Variants in HGF observed in about 807,000 individuals in gnomAD.
The protein encoded by HGF is hepatocyte growth factor.
HGF carries 39 observed loss-of-function variants against 111.6 expected under a neutral mutation model. That is an observed-to-expected ratio of 0.35 (90% CI 0.27 to 0.46). The LOEUF (loss-of-function observed/expected upper bound fraction) is 0.46, where lower values mean the gene tolerates loss of function less well. HGF is among the 20% of genes least tolerant of loss of function. The pLI is 1.00. For missense variants in HGF, 735 were observed against 910.5 expected (o/e 0.81, Z 2.48); for synonymous variants, 285 against 294.8 (o/e 0.97, Z 0.34).
Position 81,743,398 on chromosome 7 carries a change from G to A in HGF, c.820C>T (p.Leu274Phe), listed in dbSNP as rs2116022860. ...TACTCCCAGCGGGTGTGAGGGTCAA[G>A]AGTATAGCACCATGGCCTCGGCTGG... ...DGQPRPWCYT[L>F]DPHTRWEYCA... is the part of the protein sequence containing the mutation. The change falls in exon 7 of 18, where the codon CTT becomes TTT. Residue 274 changes from leucine to phenylalanine, a missense_variant. By Grantham distance (22) the Leu-to-Phe change is conservative. Around this residue, in one of 3 missense-constraint regions of HGF, gnomAD observed 553 missense variants for 685.6 expected, o/e 0.81. Transcript: ENST00000222390. 4 of 1,613,576 alleles carry A rather than the reference G, an allele frequency of 2.5e-6. No homozygotes were observed. Among genetic ancestry groups the A allele is most frequent in the Non-Finnish European group, 3.4e-6 (4 of 1,179,494 alleles).
chr7:81,729,822 C>T, intron 7 of HGF, 43 bp from the exon 8 acceptor site: 1 of 1,588,714 alleles, frequency 6.3e-7, no homozygotes, highest in Non-Finnish European at 8.6e-7. Flanking sequence ...TATATAAAAT[C>T]TTTGAAGATG....
At chr7:81,739,693 G>A (rs1412248829) in intron 7 of HGF, among the ~76,000 whole-genome samples, 1 of 152,032 alleles carries the variant, frequency 6.6e-6, no homozygotes, top group Non-Finnish European at 1.5e-5. Context: ...GGACCTTTGG[G>A]AAAGAATTCA....
At position 81,758,838 on chromosome 7, in the gene HGF, C is replaced by T. The variant is rs1584005918; in HGVS notation, c.255-34G>A. The T allele has an allele frequency of 1.3e-5, 17 of 1,341,734 alleles. No individual in the cohort carries two copies. In the East Asian group the frequency reaches 3.7e-4, roughly 29 times the overall value. 83.1% of individuals were successfully genotyped at this position (1,341,734 alleles called of 1,614,324 possible). On this transcript the variant is annotated intron_variant, in intron 2 of 17. Coordinates refer to ENST00000222390, the MANE Select transcript of HGF (RefSeq NM_000601.6). ...AATATCAGAATGAAAAGAAGAAATA[C>T]TACTATTTATACAGTATTTAAAGAA...
intron 5 of HGF, among the ~76,000 whole-genome samples, chr7:81,747,829 A>G (rs1175107611): frequency 6.6e-6 from 1 of 152,118 alleles, no homozygotes; most frequent in African/African-American, 2.4e-5. Context: ...GCTACTTGGA[A>G]GGCTGAGGCA....
chr7:81,727,037 G>A (rs1411933574), intron 8 of HGF, among the ~76,000 whole-genome samples: 1 of 100,216 alleles, frequency 1.0e-5, no homozygotes, highest in Non-Finnish European at 2.0e-5. Context: ...TCGAAACTGA[G>A]GTTTTTTTTT....
chr7:81,718,699 T>A (rs1231462040), intron 10 of HGF, among the ~76,000 whole-genome samples: 1 of 152,220 alleles, frequency 6.6e-6, no homozygotes, highest in Admixed American at 6.5e-5. Context: ...CTTTGAGGTA[T>A]GTGTACGGTG....
At chr7:81,763,529 G>T (rs954190440) in intron 1 of HGF, among the ~76,000 whole-genome samples, 6 of 152,104 alleles carry the variant, frequency 3.9e-5, no homozygotes, top group Admixed American at 3.9e-4. Context: ...CTTTAATGCA[G>T]CAATATCATT....
chr7:81,756,889 C>A (rs1054379995), intron 4 of HGF: 12 of 446,154 alleles, frequency 2.7e-5, no homozygotes, highest in African/African-American at 2.3e-4. Flanking sequence ...CAGTGCCGTA[C>A]TTTCTCAAAG....
intron 7 of HGF, among the ~76,000 whole-genome samples, chr7:81,732,307 G>C (rs1398687624): frequency 1.3e-5 from 2 of 152,122 alleles, no homozygotes; most frequent in Non-Finnish European, 2.9e-5. Context: ...TATGATTAAG[G>C]ATTCGAACAT....
intron 1 of HGF, 27 bp downstream of exon 1, chr7:81,769,854 CTAA>C: frequency 6.8e-7 from 1 of 1,478,200 alleles, no homozygotes; most frequent in East Asian, 2.5e-5. Flanking sequence ...AATACTAATA[CTAA>C]TAATGAAGAA....
At chr7:81,733,786 G>A (rs1359975395) in intron 7 of HGF, among the ~76,000 whole-genome samples, 1 of 152,092 alleles carries the variant, frequency 6.6e-6, no homozygotes, top group African/African-American at 2.4e-5. Context: ...TGAATGATTT[G>A]TCCATAGACC....
At chr7:81,710,082 T>A in intron 13 of HGF, 65 bp downstream of exon 13, 2 of 1,116,074 alleles carry the variant, frequency 1.8e-6, no homozygotes, top group Non-Finnish European at 2.8e-6. Context: ...GTGTCCATAT[T>A]TCTGGGAATA....
chr7:81,760,010 T>C (rs928481473), intron 2 of HGF, among the ~76,000 whole-genome samples: 1 of 152,172 alleles, frequency 6.6e-6, no homozygotes, highest in African/African-American at 2.4e-5. Flanking sequence ...GGATTTCCAG[T>C]TTGCTGATCT....
chr7:81,756,994 G>C, intron 4 of HGF, 195 bp downstream of exon 4: 1 of 597,722 alleles, frequency 1.7e-6, no homozygotes, highest in Non-Finnish European at 3.0e-6. Flanking sequence ...TATTGTTTTG[G>C]CTACATTTTA....
intron 10 of HGF, among the ~76,000 whole-genome samples, chr7:81,720,203 A>T (rs4732403): frequency 0.74 from 112,367 of 152,082 alleles, 42,452 homozygotes; most frequent in Middle Eastern, 0.88. Flanking sequence ...ATTACTGGAA[A>T]ATTTTATGTA....
At chr7:81,726,363 G>C (rs763447958) in intron 8 of HGF, among the ~76,000 whole-genome samples, 24 of 152,122 alleles carry the variant, frequency 1.6e-4, no homozygotes, top group Non-Finnish European at 3.2e-4. Flanking sequence ...ACATTGGCCT[G>C]TTATTTATTA....
At chr7:81,715,342 A>C (rs1789680815) in intron 11 of HGF, among the ~76,000 whole-genome samples, 3 of 152,186 alleles carry the variant, frequency 2.0e-5, no homozygotes, top group South Asian at 2.1e-4. Context: ...GAAAAATAAT[A>C]ATCTTTTAAT....
intron 4 of HGF, among the ~76,000 whole-genome samples, chr7:81,754,859 A>G (rs1223860181): frequency 2.6e-5 from 4 of 152,088 alleles, no homozygotes; most frequent in Admixed American, 6.6e-5. Flanking sequence ...AGAACCCATT[A>G]CACACAAAGC....
At chr7:81,735,558 G>A (rs774215340) in intron 7 of HGF, among the ~76,000 whole-genome samples, 6 of 151,992 alleles carry the variant, frequency 3.9e-5, no homozygotes, top group Non-Finnish European at 8.8e-5. Flanking sequence ...TATACAATTT[G>A]TAAAAAATAT....
Sources: allele counts gnomAD v4.1 joint callset (sites outside exome capture counted in the v4.1 genomes callset), GRCh38; gene constraint gnomAD v4.1.1; regional missense constraint gnomAD v4.1.1; transcripts MANE v1.5; gene names NCBI Gene and HGNC (gene_info 2026-07-23, HGNC 2026-07-21).